The following ASCC3 variants were observed in gnomAD, a reference collection of about 807,000 sequenced individuals.
ASCC3 encodes activating signal cointegrator 1 complex subunit 3, also known as ASC-1 complex subunit P200.
ASCC3 carries 158 observed loss-of-function variants against 256.3 expected under a neutral mutation model. That is an observed-to-expected ratio of 0.62 (90% confidence interval 0.54 to 0.70). ASCC3 has a LOEUF of 0.70. ASCC3 is among the 30% of genes least tolerant of loss of function. ASCC3 has a pLI of 0.00. For missense variants in ASCC3, 2,259 were observed against 2,626.0 expected, an observed-to-expected ratio of 0.86 and a Z score of 3.05; for synonymous variants, 948 against 883.4, an observed-to-expected ratio of 1.07 and a Z score of -1.30.
intron 14 of ASCC3, among the ~76,000 whole-genome samples, chr6:100,663,922 A>T (rs1776348886): frequency 6.6e-6 from 1 of 152,004 alleles, no homozygotes; most frequent in African/African-American, 2.4e-5. Context: ...AATATACCCC[A>T]TGGATAAGGG....
chr6:100,620,858 G>A (rs1337377645), intron 30 of ASCC3, among the ~76,000 whole-genome samples: 1 of 152,060 alleles, frequency 6.6e-6, no homozygotes, highest in African/African-American at 2.4e-5. Flanking sequence ...ATGTTAAAAA[G>A]TTTTCCTATT....
intron 37 of ASCC3, among the ~76,000 whole-genome samples, chr6:100,539,168 A>C (rs1184227770): frequency 1.3e-5 from 2 of 152,126 alleles, no homozygotes; most frequent in African/African-American, 4.8e-5. Context: ...TGCTCAAACC[A>C]CCATCATTTA....
chr6:100,603,584 T>A (rs1208001150), intron 33 of ASCC3, among the ~76,000 whole-genome samples: 2 of 152,102 alleles, frequency 1.3e-5, no homozygotes, highest in African/African-American at 4.8e-5. Flanking sequence ...TGATATAGAT[T>A]TTTTGTAGAT....
intron 11 of ASCC3, among the ~76,000 whole-genome samples, chr6:100,720,434 T>C (rs1209982500): frequency 6.6e-6 from 1 of 151,746 alleles, no homozygotes; most frequent in East Asian, 1.9e-4. Flanking sequence ...GATGGATGGG[T>C]GGAGTTACAA....
chr6:100,671,856 T>A (rs1301338752), intron 14 of ASCC3, among the ~76,000 whole-genome samples: 1 of 152,060 alleles, frequency 6.6e-6, no homozygotes, highest in Non-Finnish European at 1.5e-5. Context: ...ATAACATGAT[T>A]TTTAAAAAAC....
Position 100,572,201 on chromosome 6 carries a change from G to A in ASCC3, c.5550+17433C>T, listed in dbSNP as rs1770627123. On this transcript the variant is annotated intron_variant, in intron 36 of 41. Coordinates refer to ENST00000369162, the MANE Select transcript of ASCC3 (RefSeq NM_006828.4). ...GGGAGGGGGTGATTAGGTCATGAAA[G>A]CAGAACTCTCATGAATGGGATTAGT... is the stretch of plus-strand genomic sequence containing the variant. 3.3e-5 allele frequency among the ~76,000 whole-genome samples: 5 copies of A among 152,132 alleles called. No homozygotes were observed. The South Asian group carries it at 1.0e-3, about 32-fold the overall frequency.
At chr6:100,705,986 A>G (rs1398490787) in intron 13 of ASCC3, among the ~76,000 whole-genome samples, 1 of 151,942 alleles carries the variant, frequency 6.6e-6, no homozygotes, top group Non-Finnish European at 1.5e-5. Context: ...AACTATAATG[A>G]AATTCCAGAA....
At chr6:100,570,011 T>C (rs1002866633) in intron 36 of ASCC3, among the ~76,000 whole-genome samples, 1 of 152,178 alleles carries the variant, frequency 6.6e-6, no homozygotes, top group Admixed American at 6.5e-5. Context: ...CTTGGTTAGA[T>C]GTATTCCCAG....
At chr6:100,731,213 T>C (rs1356804868) in intron 10 of ASCC3, among the ~76,000 whole-genome samples, 1 of 152,170 alleles carries the variant, frequency 6.6e-6, no homozygotes, top group South Asian at 2.1e-4. Flanking sequence ...CTATTCAAAA[T>C]TGAACATGTA....
chr6:100,874,577 A>G (rs990215957), intron 1 of ASCC3, among the ~76,000 whole-genome samples: 1 of 151,970 alleles, frequency 6.6e-6, no homozygotes, highest in Non-Finnish European at 1.5e-5. Flanking sequence ...AATTTTAAAT[A>G]TTATGTTATT....
At chr6:100,714,862 T>C (rs534518658) in intron 13 of ASCC3, among the ~76,000 whole-genome samples, 1 of 152,156 alleles carries the variant, frequency 6.6e-6, no homozygotes, top group African/African-American at 2.4e-5. Context: ...TTTTATATAC[T>C]GGAGTTGCAA....
intron 20 of ASCC3, among the ~76,000 whole-genome samples, chr6:100,649,808 T>A (rs763642542): frequency 2.9e-4 from 44 of 151,656 alleles, no homozygotes; most frequent in Non-Finnish European, 5.8e-4. Flanking sequence ...CCTTGACAGG[T>A]AAATAATTTT....
At chr6:100,595,102 G>C (rs75573507) in intron 34 of ASCC3, among the ~76,000 whole-genome samples, 4,849 of 152,146 alleles carry the variant, frequency 0.032, 93 homozygotes, top group African/African-American at 0.061. Flanking sequence ...TAAAGTTTCG[G>C]TTAGACAGAA....
chr6:100,740,512 G>C (rs549986505), intron 10 of ASCC3, among the ~76,000 whole-genome samples: 112 of 152,274 alleles, frequency 7.4e-4, no homozygotes, highest in Admixed American at 1.3e-3. Flanking sequence ...TCAGTGATCT[G>C]TCTAAAATTG....
intron 36 of ASCC3, among the ~76,000 whole-genome samples, chr6:100,561,925 G>C (rs2114706374): frequency 6.6e-6 from 1 of 152,212 alleles, no homozygotes; most frequent in Non-Finnish European, 1.5e-5. Context: ...AGATTACAGT[G>C]CTTCTGGCAA....
At chr6:100,643,396 T>G (rs1775224286) in intron 23 of ASCC3, among the ~76,000 whole-genome samples, 1 of 152,146 alleles carries the variant, frequency 6.6e-6, no homozygotes, top group South Asian at 2.1e-4. Context: ...ATGTGACCCT[T>G]AAGATTATTA....
At chr6:100,540,831 T>G (rs1240962275) in intron 36 of ASCC3, among the ~76,000 whole-genome samples, 1 of 152,112 alleles carries the variant, frequency 6.6e-6, no homozygotes, top group Non-Finnish European at 1.5e-5. Flanking sequence ...ATGTTTAACT[T>G]AAGATCTTGT....
intron 36 of ASCC3, among the ~76,000 whole-genome samples, chr6:100,562,983 A>T (rs1770035552): frequency 6.6e-6 from 1 of 151,582 alleles, no homozygotes; most frequent in Non-Finnish European, 1.5e-5. Flanking sequence ...TATTTCCTTT[A>T]TCAGTGAGAA....
At chr6:100,602,204 G>A (rs957128262) in intron 33 of ASCC3, among the ~76,000 whole-genome samples, 5 of 151,806 alleles carry the variant, frequency 3.3e-5, no homozygotes, top group Non-Finnish European at 4.4e-5. Context: ...TTATTCACCA[G>A]TACATATATG....
Sources: gnomAD v4.1 joint callset for allele counts (sites outside exome capture counted in the v4.1 genomes callset) on GRCh38, gnomAD v4.1.1 for gene constraint, MANE v1.5 for transcripts, NCBI Gene and HGNC (gene_info 2026-07-23, HGNC 2026-07-21) for gene names.